The following RALGPS2 variants were observed in gnomAD, a reference collection of about 807,000 sequenced individuals.
The protein encoded by RALGPS2 is Ral GEF with PH domain and SH3 binding motif 2.
A neutral mutation model predicts 86.8 loss-of-function variants in RALGPS2; 43 were observed. That is an observed-to-expected ratio of 0.50 (90% CI 0.39 to 0.64). RALGPS2 has a LOEUF of 0.64. Among genes scored for constraint, RALGPS2 ranks in the 30% least tolerant of loss-of-function variants. The probability of loss-of-function intolerance (pLI) is 0.00; values close to 1 mark genes in which losing one functional copy is unlikely to be tolerated. For missense variants in RALGPS2, 536 were observed against 694.6 expected, an observed-to-expected ratio of 0.77 and a Z score of 2.57; for synonymous variants, 243 against 231.3, an observed-to-expected ratio of 1.05 and a Z score of -0.46.
intron 15 of RALGPS2, among the ~76,000 whole-genome samples, chr1:178,892,889 A>G (rs1659778868): frequency 6.6e-6 from 1 of 152,038 alleles, no homozygotes; most frequent in East Asian, 1.9e-4. Context: ...GTGATGGGTA[A>G]TCAGTTCATA....
chr1:178,859,825 C>CT (rs1296111751), intron 8 of RALGPS2, among the ~76,000 whole-genome samples: 1 of 70,898 alleles, frequency 1.4e-5, no homozygotes, highest in East Asian at 4.6e-4. Context: ...TGCCCGCCCC[C>CT]CCCCCCCCAA....
At chr1:178,884,505 A>G (rs956457539) in intron 11 of RALGPS2, among the ~76,000 whole-genome samples, 2 of 152,126 alleles carry the variant, frequency 1.3e-5, no homozygotes, top group African/African-American at 2.4e-5. Flanking sequence ...GACAATGTCT[A>G]TGGGGAAGAA....
chr1:178,814,852 A>AC (rs1216301897), intron 6 of RALGPS2, among the ~76,000 whole-genome samples: 1 of 152,212 alleles, frequency 6.6e-6, no homozygotes, highest in East Asian at 1.9e-4. Context: ...CATCCATGTC[A>AC]CCATCTGATA....
intron 8 of RALGPS2, among the ~76,000 whole-genome samples, chr1:178,867,968 C>T (rs2102343809): frequency 6.6e-6 from 1 of 151,888 alleles, no homozygotes; most frequent in Non-Finnish European, 1.5e-5. Flanking sequence ...GAAAATAAGG[C>T]AAATATAGAT....
chr1:178,778,993 T>C (rs959292421), intron 2 of RALGPS2, among the ~76,000 whole-genome samples: 2 of 152,174 alleles, frequency 1.3e-5, no homozygotes, highest in African/African-American at 4.8e-5. Context: ...AAAAGAAACA[T>C]AGAATTTCTT....
chr1:178,734,985 A>G (rs1473442893), intron 1 of RALGPS2, among the ~76,000 whole-genome samples: 5 of 152,166 alleles, frequency 3.3e-5, no homozygotes, highest in Non-Finnish European at 7.4e-5. Flanking sequence ...TGATATTAAG[A>G]GGCAATAAAA....
intron 1 of RALGPS2, among the ~76,000 whole-genome samples, chr1:178,752,879 C>G (rs1024566929): frequency 6.6e-6 from 1 of 152,152 alleles, no homozygotes; most frequent in Admixed American, 6.5e-5. Flanking sequence ...TGGTCTTTCT[C>G]TCTCTCTTTT....
At chr1:178,865,708 A>G (rs953959557) in intron 8 of RALGPS2, 3 of 1,613,546 alleles carry the variant, frequency 1.9e-6, no homozygotes, top group South Asian at 1.1e-5. Flanking sequence ...TGAATTGTCC[A>G]CCTCTGCAAT....
intron 6 of RALGPS2, among the ~76,000 whole-genome samples, chr1:178,818,974 T>C (rs1655364002): frequency 6.7e-6 from 1 of 150,266 alleles, no homozygotes; most frequent in Non-Finnish European, 1.5e-5. Context: ...CATGAGTTTT[T>C]GTTGTTTTTC....
chr1:178,815,824 A>G (rs1282175891), intron 6 of RALGPS2, among the ~76,000 whole-genome samples: 2 of 152,194 alleles, frequency 1.3e-5, no homozygotes, highest in African/African-American at 4.8e-5. Context: ...TGTTCTGGGA[A>G]TTTATGTAAG....
intron 4 of RALGPS2, among the ~76,000 whole-genome samples, chr1:178,794,302 G>A (rs1654092205): frequency 6.6e-6 from 1 of 152,098 alleles, no homozygotes; most frequent in Non-Finnish European, 1.5e-5. Context: ...TTTTTTGGTA[G>A]AGACAGGGTT....
chr1:178,768,732 A>T (rs999026015), intron 1 of RALGPS2, among the ~76,000 whole-genome samples: 6 of 152,212 alleles, frequency 3.9e-5, no homozygotes, highest in African/African-American at 1.2e-4. Flanking sequence ...CGGGTCCCCC[A>T]GTGGCAGGCA....
intron 4 of RALGPS2, among the ~76,000 whole-genome samples, chr1:178,795,039 G>C (rs7536085): frequency 3.3e-5 from 5 of 151,976 alleles, no homozygotes; most frequent in Non-Finnish European, 7.4e-5. Flanking sequence ...AATTAGCCAA[G>C]CATGGTGGTG....
intron 8 of RALGPS2, among the ~76,000 whole-genome samples, chr1:178,864,611 C>T (rs931205072): frequency 1.3e-5 from 2 of 152,128 alleles, no homozygotes; most frequent in Non-Finnish European, 2.9e-5. Context: ...CAGCGACGAC[C>T]TAGCTAGAAG....
At chr1:178,888,868 G>A (rs372019864) in intron 13 of RALGPS2, among the ~76,000 whole-genome samples, 18 of 152,050 alleles carry the variant, frequency 1.2e-4, no homozygotes, top group African/African-American at 3.6e-4. Flanking sequence ...AACCCTGCCC[G>A]TAAAAAAGAG....
intron 4 of RALGPS2, among the ~76,000 whole-genome samples, chr1:178,797,985 TAAAAAAAAAAA>T (rs57049056): frequency 1.0e-5 from 1 of 95,420 alleles, no homozygotes; most frequent in Non-Finnish European, 2.1e-5. Flanking sequence ...CAACAATTTG[TAAAAAAAAAAA>T]AAAAAAAAAC....
chr1:178,864,270 T>A (rs1658229950), intron 8 of RALGPS2, among the ~76,000 whole-genome samples: 1 of 152,150 alleles, frequency 6.6e-6, no homozygotes, highest in Admixed American at 6.5e-5. Flanking sequence ...GCATGATCAA[T>A]GCAATAGTTT....
rs1468057106 is a variant in RALGPS2, at chr1:178,920,398, T to A, written c.*4039T>A. 6.6e-6 allele frequency: 1 copy of A among 152,038 alleles called. No homozygotes were observed. The highest frequency in any genetic ancestry group is 1.5e-5 in the Non-Finnish European group (1 of 67,906). The allele number at this position is 152,038 out of a possible 1,614,324, so 9.4% of individuals were successfully genotyped here. A position where few individuals can be genotyped will look rare whatever the true frequency, so the allele number is the denominator to read the frequency against. ...TGCCTTATTATTTGAAGAGCAATTT[T>A]AGGGCATCAAGTATGACAATAATCA... On this transcript the variant is annotated 3_prime_UTR_variant, in exon 20 of 20. Coordinates refer to ENST00000367635, the MANE Select transcript of RALGPS2 (RefSeq NM_152663.5).
At chr1:178,799,055 TTTGA>T (rs1182309033) in intron 4 of RALGPS2, among the ~76,000 whole-genome samples, 62 of 152,214 alleles carry the variant, frequency 4.1e-4, no homozygotes, top group African/African-American at 1.5e-3. Context: ...TTGTTGTTGT[TTTGA>T]GACGGAGTCT....
Sources: gnomAD v4.1 joint callset for allele counts (sites outside exome capture counted in the v4.1 genomes callset) on GRCh38, gnomAD v4.1.1 for gene constraint, MANE v1.5 for transcripts, NCBI Gene and HGNC (gene_info 2026-07-23, HGNC 2026-07-21) for gene names.